Variants in RP1 observed in about 807,000 individuals in gnomAD.
The protein encoded by RP1 is oxygen-regulated protein 1.
Under a neutral mutation model 14.8 loss-of-function variants are expected in RP1, and 16 were observed. The ratio of observed to expected loss-of-function variants is 1.08; its 90% CI spans 0.73 to 1.65. The LOEUF (loss-of-function observed/expected upper bound fraction) is 1.65, where lower values mean the gene tolerates loss of function less well. RP1 is among the 40% of genes most tolerant of loss of function. The pLI, the probability that RP1 is intolerant of heterozygous loss-of-function variation, is 0.00. For synonymous variants in RP1, 876 were observed against 883.6 expected (o/e 0.99, Z 0.15); for missense variants, 2,631 against 2,535.0 (o/e 1.04, Z -0.81).
Position 54,630,257 on chromosome 8 carries a change from T to G in RP1, c.6375T>G (p.Leu2125=). Residue 2125 remains leucine (L), a synonymous_variant, in exon 4 of 4, where the codon CTT becomes CTG. Coordinates refer to ENST00000220676, the MANE Select transcript of RP1 (RefSeq NM_006269.2). ...LNISNRNILE[L]CMFEGENLFI... is the part of the protein sequence containing the mutation. ...TTAGCAACAGAAATATTTTAGAACTTTGTATGTTTGAGGGTGAAAATCTTT... is the reference window on the plus strand; with the variant it reads ...TTAGCAACAGAAATATTTTAGAACTGTGTATGTTTGAGGGTGAAAATCTTT... 1 of 1,613,704 alleles carries G rather than the reference T, an allele frequency of 6.2e-7. No homozygotes were observed. The highest frequency in any genetic ancestry group is 1.1e-5 in the South Asian group (1 of 91,076).
chr8:54,656,018 A>C (rs1156978405), intron 5 of RP1: 3 of 1,253,282 alleles, frequency 2.4e-6, no homozygotes, highest in Non-Finnish European at 3.2e-6. Flanking sequence ...TCTTGAACAA[A>C]AACTTATTTG....
At chr8:54,614,130 A>C (rs146799409), upstream of RP1, among the ~76,000 whole-genome samples, 82 of 152,366 alleles carry the variant, frequency 5.4e-4, no homozygotes, top group South Asian at 3.1e-3. Context: ...GGAATTAAGT[A>C]CATGGCTTGC....
At chr8:54,791,399 T>C (rs1810462725) in intron 24 of RP1, among the ~76,000 whole-genome samples, 1 of 152,128 alleles carries the variant, frequency 6.6e-6, no homozygotes, top group African/African-American at 2.4e-5. Context: ...TATATGAATA[T>C]ATGAAACTTG....
At chr8:54,866,392 T>C (rs945947367) in intron 28 of RP1, among the ~76,000 whole-genome samples, 5 of 152,178 alleles carry the variant, frequency 3.3e-5, no homozygotes, top group African/African-American at 7.2e-5. Flanking sequence ...GTAGATGTAA[T>C]ATAACAGGAG....
chr8:54,815,831 T>C (rs1811122438), intron 24 of RP1, among the ~76,000 whole-genome samples: 1 of 152,220 alleles, frequency 6.6e-6, no homozygotes, highest in Admixed American at 6.5e-5. Flanking sequence ...ATAGTTCATA[T>C]TTGGCTCAGC....
chr8:54,824,590 A>T (rs1012550357), intron 24 of RP1, among the ~76,000 whole-genome samples: 1 of 152,242 alleles, frequency 6.6e-6, no homozygotes, highest in Non-Finnish European at 1.5e-5. Context: ...CACTAAAACG[A>T]GATAAACACA....
chr8:54,869,987 A>G, exon 29 of RP1: 3 of 868,526 alleles, frequency 3.5e-6, no homozygotes, highest in Admixed American at 4.3e-5. Flanking sequence ...TCAAAAGGCT[A>G]TTGATCTGAT....
At chr8:54,651,125 A>G (rs2129325818) in intron 4 of RP1, among the ~76,000 whole-genome samples, 1 of 152,156 alleles carries the variant, frequency 6.6e-6, no homozygotes, top group Non-Finnish European at 1.5e-5. Context: ...TGTAGAACCA[A>G]TTTCCATTCC....
At chr8:54,632,384 A>G (rs1333653736), downstream of RP1, among the ~76,000 whole-genome samples, 3 of 152,228 alleles carry the variant, frequency 2.0e-5, no homozygotes, top group Admixed American at 6.5e-5. Flanking sequence ...AGTGACAACC[A>G]TGAATTAGTA....
At chr8:54,802,462 A>C (rs1810736267) in intron 24 of RP1, among the ~76,000 whole-genome samples, 2 of 152,234 alleles carry the variant, frequency 1.3e-5, no homozygotes, top group Admixed American at 6.5e-5. Context: ...AAATACCTTC[A>C]AATTTCAATT....
intron 22 of RP1, among the ~76,000 whole-genome samples, chr8:54,769,514 T>C (rs1279669547): frequency 6.6e-6 from 1 of 152,116 alleles, no homozygotes; most frequent in Non-Finnish European, 1.5e-5. Flanking sequence ...GCAACGTATA[T>C]ATTTCGTTCT....
Position 54,625,568 on chromosome 8 carries a change from T to A in RP1, c.1686T>A (p.His562Gln). ...ITSQKMLEMS[H>Q]NNGLPSTISN... is the part of the protein sequence containing the mutation. ...GTCAGAAGATGTTAGAGATGTCACA[T>A]AATAATGGTTTGCCATCAACTATAT... The change falls in exon 4 of 4, where the codon CAT (histidine) becomes CAA (glutamine). Residue 562 changes from histidine (H) to glutamine (Q), a missense_variant. Coordinates refer to ENST00000220676, the MANE Select transcript of RP1 (RefSeq NM_006269.2). 6.2e-7 allele frequency: 1 copy of A among 1,614,088 alleles called. No individual in the cohort carries two copies.
intron 24 of RP1, among the ~76,000 whole-genome samples, chr8:54,821,412 A>G (rs560622516): frequency 6.6e-6 from 1 of 152,348 alleles, no homozygotes; most frequent in East Asian, 1.9e-4. Flanking sequence ...GACTTACATG[A>G]ATGTATTTAC....
intron 1 of RP1, among the ~76,000 whole-genome samples, chr8:54,582,571 T>C (rs1412364982): frequency 6.6e-6 from 1 of 152,132 alleles, no homozygotes; most frequent in Non-Finnish European, 1.5e-5. Context: ...GGGATGGCAT[T>C]GAATCTATAA....
At chr8:54,645,801 C>T (rs1329519316) in intron 3 of RP1, among the ~76,000 whole-genome samples, 2 of 151,958 alleles carry the variant, frequency 1.3e-5, no homozygotes, top group Non-Finnish European at 2.9e-5. Context: ...CCATCTGGGC[C>T]TGAAGTTCTT....
chr8:54,719,677 G>GA (rs1287351887), intron 15 of RP1, among the ~76,000 whole-genome samples: 1 of 152,146 alleles, frequency 6.6e-6, no homozygotes, highest in Non-Finnish European at 1.5e-5. Flanking sequence ...TGCTGTTTAT[G>GA]AAAATTCAAT....
chr8:54,661,113 C>T (rs1196060283), intron 6 of RP1, among the ~76,000 whole-genome samples: 1 of 149,972 alleles, frequency 6.7e-6, no homozygotes, highest in Admixed American at 6.7e-5. Context: ...CAAGACCAGC[C>T]TGGGCAACAT....
At chr8:54,725,780 A>T (rs1808639333) in intron 16 of RP1, among the ~76,000 whole-genome samples, 1 of 152,192 alleles carries the variant, frequency 6.6e-6, no homozygotes, top group Non-Finnish European at 1.5e-5. Context: ...TGAAATCCTA[A>T]ATATAAATAA....
Position 54,628,895 on chromosome 8 carries a change from T to C in RP1, c.5013T>C (p.Ser1671=). ...AATTTCAGTGTTCCAGGAAAGCAAG[T>C]CTTTATGATTCTGAAGGGCAGTCAT... The part of the protein sequence containing the change: ...SVEFQCSRKA[S]LYDSEGQSFG... Residue 1671 remains serine, a synonymous_variant, in exon 4 of 4, where the codon AGT becomes AGC. Transcript: ENST00000220676. The C allele has an allele frequency of 6.2e-7, 1 of 1,614,052 alleles. No individual in the cohort carries two copies. Among genetic ancestry groups the C allele is most frequent in the Non-Finnish European group, 8.5e-7 (1 of 1,179,958 alleles).
Sources: gnomAD v4.1 joint callset for allele counts (sites outside exome capture counted in the v4.1 genomes callset) on GRCh38, gnomAD v4.1.1 for gene constraint, MANE v1.5 for transcripts, NCBI Gene and HGNC (gene_info 2026-07-23, HGNC 2026-07-21) for gene names.